LRP4: variants seen among roughly 807,000 people sequenced by gnomAD.
LRP4 encodes low-density lipoprotein receptor-related protein 4.
Under a neutral mutation model 220.3 loss-of-function variants are expected in LRP4, and 95 were observed. That is an observed-to-expected ratio of 0.43 (90% CI 0.37 to 0.51). The LOEUF (loss-of-function observed/expected upper bound fraction) is 0.51. Ranked by LOEUF, LRP4 falls within the 20% of genes least tolerant of loss-of-function variation. The pLI is 0.00. For synonymous variants in LRP4, 903 were observed against 954.6 expected, an observed-to-expected ratio of 0.95 and a Z score of 1.00; for missense variants, 1,925 against 2,567.0, an observed-to-expected ratio of 0.75 and a Z score of 5.40.
rs759937522 is a variant in LRP4 at position 46,883,836 on chromosome 11, T to G, written c.2612+35A>C. On this transcript the variant is annotated intron_variant, in intron 19 of 37. Coordinates refer to ENST00000378623, the MANE Select transcript of LRP4 (RefSeq NM_002334.4). Reference sequence around the variant, plus strand: ...TCTGGAGCTCAGATCTTGGGAGGGGTGGATGGAGCTCATTCCCAAGGGGCA... The same window carrying G: ...TCTGGAGCTCAGATCTTGGGAGGGGGGGATGGAGCTCATTCCCAAGGGGCA... 12 of 1,483,836 alleles carry G rather than the reference T, an allele frequency of 8.1e-6. No individual in the cohort carries two copies. The South Asian group carries it at 1.2e-4, about 15-fold the overall frequency. 91.9% of individuals were successfully genotyped at this position (1,483,836 alleles called of 1,614,324 possible). A position where few individuals can be genotyped will look rare whatever the true frequency, so the allele number is the denominator to read the frequency against.
chr11:46,891,464 C>CACACACACACACAG (rs1308481884), intron 13 of LRP4, among the ~76,000 whole-genome samples: 1 of 146,978 alleles, frequency 6.8e-6, no homozygotes, highest in South Asian at 2.2e-4. Flanking sequence ...CACACACACA[C>CACACACACACACAG]AGACACACAC....
Position 46,899,089 on chromosome 11 carries a change from G to T in LRP4, c.548-57C>A. The T allele has an allele frequency of 6.5e-7, 1 of 1,539,476 alleles. No individual in the cohort carries two copies. The highest frequency in any genetic ancestry group is 2.3e-5 in the East Asian group (1 of 44,200). On this transcript the variant is annotated intron_variant, in intron 5 of 37. Coordinates refer to ENST00000378623, the MANE Select transcript of LRP4 (RefSeq NM_002334.4). The surrounding 1 kb of genome is among the most constrained non-coding windows in gnomAD (Gnocchi z 5.9). ...ACACTCAGGCCTGGATGAAGGAGAG[G>T]GGCCCTGATTCCTCAAGCAGGCAGG...
rs928835952 is a variant in LRP4, at chr11:46,918,254, C to A, written c.52+74G>T. Reference sequence around the variant, plus strand: ...GAGGGGTCTCAGGCCCCGGCCCGCGCCGTCCAGGTCCCGGGAGGCGAGTCC... The same window carrying A: ...GAGGGGTCTCAGGCCCCGGCCCGCGACGTCCAGGTCCCGGGAGGCGAGTCC... On this transcript the variant is annotated intron_variant, in intron 1 of 37. Coordinates refer to ENST00000378623, the MANE Select transcript of LRP4 (RefSeq NM_002334.4). The surrounding 1 kb of genome is among the most constrained non-coding windows in gnomAD (Gnocchi z 6.0). 1 of 1,447,832 alleles carries A rather than the reference C, an allele frequency of 6.9e-7. No individual in the cohort carries two copies. The highest frequency in any genetic ancestry group is 9.3e-7 in the Non-Finnish European group (1 of 1,081,040). 89.7% of individuals were successfully genotyped at this position (1,447,832 alleles called of 1,614,324 possible). A position where few individuals can be genotyped will look rare whatever the true frequency, so the allele number is the denominator to read the frequency against.
At chr11:46,895,632 G>A (rs1165987077) in intron 10 of LRP4, among the ~76,000 whole-genome samples, 2 of 152,132 alleles carry the variant, frequency 1.3e-5, no homozygotes, top group Non-Finnish European at 2.9e-5. Context: ...GGGCTTTAAG[G>A]TCATGCAGAC....
Position 46,899,327 on chromosome 11 carries a change from C to CA in LRP4, c.547+59dup. ...TGCACTCCTCAGCCTCGCCCTTAGC[C>CA]AATGGGCAGAACTGTCTGCCCTCAT... On this transcript the variant is annotated intron_variant, in intron 5 of 37. Coordinates refer to ENST00000378623, the MANE Select transcript of LRP4 (RefSeq NM_002334.4). This position sits in a 1 kb window ranked among gnomAD's most constrained non-coding sequence, Gnocchi z 5.9. The CA allele has an allele frequency of 2.2e-6, 3 of 1,354,596 alleles. No individual in the cohort carries two copies. The highest frequency in any genetic ancestry group is 1.8e-4 in the Middle Eastern group (1 of 5,528). The allele number at this position is 1,354,596 out of a possible 1,614,324, so 83.9% of individuals were successfully genotyped here.
Position 46,857,091 on chromosome 11 carries a change from C to T in LRP4, c.*1892G>A, listed in dbSNP as rs1346538601. 1 of 152,600 alleles carries T rather than the reference C, an allele frequency of 6.6e-6. No homozygotes were observed. Among genetic ancestry groups the T allele is most frequent in the Non-Finnish European group, 1.5e-5 (1 of 68,030 alleles). 9.5% of individuals were successfully genotyped at this position (152,600 alleles called of 1,614,324 possible). A position where few individuals can be genotyped will look rare whatever the true frequency, so the allele number is the denominator to read the frequency against. ...TACTTCCTCAAATATGTCCTTTCTA[C>T]ATTCTGAACAGCCCAAGTGCAATAA... On this transcript the variant is annotated 3_prime_UTR_variant, in exon 38 of 38. Coordinates refer to ENST00000378623, the MANE Select transcript of LRP4 (RefSeq NM_002334.4).
At chr11:46,881,036 C>T (rs1941142188) in intron 20 of LRP4, among the ~76,000 whole-genome samples, 1 of 116,942 alleles carries the variant, frequency 8.6e-6, no homozygotes, top group African/African-American at 3.3e-5. Context: ...GGTGACACAG[C>T]ATGACCCTGC....
rs754379700 is a variant in LRP4 at position 46,895,956 on chromosome 11, T to C, written c.1111A>G (p.Met371Val). 3 of 1,614,082 alleles carry C rather than the reference T, an allele frequency of 1.9e-6. No individual in the cohort carries two copies. Among genetic ancestry groups the C allele is most frequent in the East Asian group, 2.2e-5 (1 of 44,884 alleles). Residue 371 changes from methionine (M) to valine (V), a missense_variant, in exon 10 of 38, where the codon ATG (methionine) becomes GTG (valine). Coordinates refer to ENST00000378623, the MANE Select transcript of LRP4 (RefSeq NM_002334.4). ...GTACACTGCACTGCCCCCCGCACCA[T>C]CTGGCACTTCTGGGCACAGCCACCG... ...NNGGCAQKCQMVRGAVQCTCH... is the reference protein window; with the variant it reads ...NNGGCAQKCQVVRGAVQCTCH...
chr11:46,914,463 A>T (rs1280789097), intron 1 of LRP4, among the ~76,000 whole-genome samples: 2 of 152,246 alleles, frequency 1.3e-5, no homozygotes, highest in Non-Finnish European at 2.9e-5. Context: ...AGCTGGAGTG[A>T]GAGTGACAAG....
intron 1 of LRP4, among the ~76,000 whole-genome samples, chr11:46,903,238 T>C (rs546789824): frequency 6.6e-6 from 1 of 152,282 alleles, no homozygotes; most frequent in South Asian, 2.1e-4. Flanking sequence ...CTCATACCTA[T>C]ATCACAGCAC....
intron 1 of LRP4, among the ~76,000 whole-genome samples, chr11:46,917,778 A>G (rs1180595876): frequency 6.6e-6 from 1 of 152,054 alleles, no homozygotes; most frequent in African/African-American, 2.4e-5. Context: ...AGTGCCCCAG[A>G]GCCCCTTGGT....
intron 1 of LRP4, among the ~76,000 whole-genome samples, chr11:46,912,122 G>C (rs1245131916): frequency 1.3e-5 from 2 of 152,156 alleles, no homozygotes; most frequent in African/African-American, 2.4e-5. Flanking sequence ...CCAAAGTGCT[G>C]GGATTACAGG....
At chr11:46,911,171 C>T (rs1042006661) in intron 1 of LRP4, among the ~76,000 whole-genome samples, 7 of 152,096 alleles carry the variant, frequency 4.6e-5, no homozygotes, top group Admixed American at 4.6e-4. Flanking sequence ...TACTAGACAG[C>T]TGTTATTGTT....
intron 20 of LRP4, among the ~76,000 whole-genome samples, chr11:46,881,113 T>TTAAATG: frequency 7.1e-6 from 1 of 140,804 alleles, no homozygotes; most frequent in Non-Finnish European, 1.5e-5. Flanking sequence ...AATGTTAGAT[T>TTAAATG]TCCTGATTTT....
chr11:46,858,940 T>C lies in LRP4; in HGVS notation c.*43A>G. On this transcript the variant is annotated 3_prime_UTR_variant, in exon 38 of 38. Transcript: ENST00000378623. Reference sequence around the variant, plus strand: ...AGCGAGCACAAGGACTAGACGTCCATAAAGGAGAAGGAACAGGCAGGCAGG... The same window carrying C: ...AGCGAGCACAAGGACTAGACGTCCACAAAGGAGAAGGAACAGGCAGGCAGG... The C allele has an allele frequency of 6.3e-7, 1 of 1,585,764 alleles. No homozygotes were observed. Among genetic ancestry groups the C allele is most frequent in the South Asian group, 1.1e-5 (1 of 90,424 alleles).
chr11:46,879,100 G>A (rs767518458), intron 21 of LRP4, 26 bp downstream of exon 21: 28 of 1,614,242 alleles, frequency 1.7e-5, no homozygotes, highest in Middle Eastern at 3.3e-4. Context: ...CCACGGAGAA[G>A]CCAATGCGAG....
rs1199942138 is a variant in LRP4, at chr11:46,873,683, G to A, written c.4230-90C>T. ...CATGTTCCCATAACTGGACCCCACT[G>A]AACTGTAAGCTCCACAGGGATAGAG... On this transcript the variant is annotated intron_variant, in intron 28 of 37. Transcript: ENST00000378623. This position sits in a 1 kb window ranked among gnomAD's most constrained non-coding sequence, Gnocchi z 4.2. 3.9e-6 allele frequency: 4 copies of A among 1,036,964 alleles called. No homozygotes were observed. Among genetic ancestry groups the A allele is most frequent in the Non-Finnish European group, 4.3e-6 (3 of 691,622 alleles). 64.2% of individuals were successfully genotyped at this position (1,036,964 alleles called of 1,614,324 possible). A position where few individuals can be genotyped will look rare whatever the true frequency, so the allele number is the denominator to read the frequency against.
At position 46,890,411 on chromosome 11, in the gene LRP4, T is replaced by A; in HGVS notation, c.1781A>T (p.Asp594Val). 1 of 1,614,076 alleles carries A rather than the reference T, an allele frequency of 6.2e-7. No homozygotes were observed. ...MDGSGRRIIA[D>V]THLFWPNGLT... is the part of the protein sequence containing the mutation. ...GCCATTGGGCCAGAAGAGATGGGTA[T>A]CGGCAATGATGCGGCGTCCAGAGCC... The change falls in exon 14 of 38, where the codon GAT (aspartate) becomes GTT (valine). Residue 594 changes from aspartate (D) to valine (V), a missense_variant. Transcript: ENST00000378623. This position sits in a 1 kb window ranked among gnomAD's most constrained non-coding sequence, Gnocchi z 5.3.
chr11:46,882,059 C>A (rs1232227540), intron 19 of LRP4, among the ~76,000 whole-genome samples, 156 bp from the exon 20 acceptor site: 1 of 152,216 alleles, frequency 6.6e-6, no homozygotes, highest in East Asian at 1.9e-4. Flanking sequence ...TCAGCACTAT[C>A]TCTGAATGCC....
Sources: gnomAD v4.1 joint callset for allele counts (sites outside exome capture counted in the v4.1 genomes callset) on GRCh38, gnomAD v4.1.1 for gene constraint, Gnocchi (gnomAD v3.1) non-coding constraint, MANE v1.5 for transcripts, NCBI Gene and HGNC (gene_info 2026-07-23, HGNC 2026-07-21) for gene names.